RASSF3: variants seen among roughly 807,000 people sequenced by gnomAD.
RASSF3 encodes Ras association domain family member 3, also known as ras association domain-containing protein 3.
In RASSF3, 19 loss-of-function variants were observed where a neutral mutation model predicts 19.9. The ratio of observed to expected loss-of-function variants is 0.96; its 90% CI spans 0.67 to 1.40. The LOEUF is 1.40. Among genes scored for constraint, RASSF3 ranks in the 40% most tolerant of loss-of-function variants. The pLI is 0.00. For missense variants in RASSF3, 306 were observed against 289.8 expected (o/e 1.06, Z -0.41); for synonymous variants, 110 against 104.2 (o/e 1.06, Z -0.34).
At chr12:64,668,783 G>A (rs571497614) in intron 1 of RASSF3, among the ~76,000 whole-genome samples, 58 of 148,648 alleles carry the variant, frequency 3.9e-4, no homozygotes, top group African/African-American at 1.3e-3. Context: ...CCGGGTTCAC[G>A]CCATTCTCCT....
At chr12:64,560,575 T>A (rs1463340541) in intron 2 of RASSF3, among the ~76,000 whole-genome samples, 1 of 152,192 alleles carries the variant, frequency 6.6e-6, no homozygotes, top group Non-Finnish European at 1.5e-5. Flanking sequence ...CACCACCACA[T>A]TGTGCGAGGA....
intron 1 of RASSF3, among the ~76,000 whole-genome samples, chr12:64,629,574 TG>T (rs1871103178): frequency 1.3e-5 from 2 of 152,222 alleles, no homozygotes; most frequent in African/African-American, 4.8e-5. Context: ...ATATGTAATG[TG>T]ATAATATGAA....
exon 1 of RASSF3, chr12:64,507,221 G>A: frequency 2.5e-6 from 1 of 398,656 alleles, no homozygotes; most frequent in Non-Finnish European, 4.4e-6. Flanking sequence ...CATAAGAAGT[G>A]ACTTTCATGA....
chr12:64,679,963 G>A (rs1873059526), intron 1 of RASSF3, among the ~76,000 whole-genome samples: 1 of 152,138 alleles, frequency 6.6e-6, no homozygotes, highest in African/African-American at 2.4e-5. Flanking sequence ...CACAATGAAA[G>A]ACCAGGGTTG....
intron 1 of RASSF3, among the ~76,000 whole-genome samples, chr12:64,535,130 T>C (rs1868796441): frequency 6.6e-6 from 1 of 151,984 alleles, no homozygotes; most frequent in African/African-American, 2.4e-5. Flanking sequence ...ATTCAATAGA[T>C]GGCAGTCCAA....
chr12:64,560,803 G>A (rs536398363), intron 2 of RASSF3, among the ~76,000 whole-genome samples: 4 of 152,310 alleles, frequency 2.6e-5, no homozygotes, highest in East Asian at 1.9e-4. Context: ...GAGAGGAGCC[G>A]AAATAGGCAA....
At chr12:64,680,189 A>C (rs1312278105) in intron 1 of RASSF3, among the ~76,000 whole-genome samples, 1 of 152,048 alleles carries the variant, frequency 6.6e-6, no homozygotes, top group Admixed American at 6.6e-5. Flanking sequence ...CTACTCTGTG[A>C]GGGGACGGGA....
chr12:64,591,924 C>T (rs1258754002), intron 2 of RASSF3, among the ~76,000 whole-genome samples: 1 of 149,118 alleles, frequency 6.7e-6, no homozygotes, highest in African/African-American at 2.5e-5. Flanking sequence ...TTTTTTGAGA[C>T]AGGGTTTTAC....
intron 1 of RASSF3, among the ~76,000 whole-genome samples, chr12:64,622,312 G>C (rs754272635): frequency 2.0e-5 from 3 of 149,994 alleles, no homozygotes; most frequent in Non-Finnish European, 4.4e-5. Flanking sequence ...CGCCTGCCTT[G>C]GCCTCCCAAA....
intron 1 of RASSF3, among the ~76,000 whole-genome samples, chr12:64,511,352 T>C (rs1045354584): frequency 8.5e-5 from 13 of 152,080 alleles, no homozygotes; most frequent in African/African-American, 2.7e-4. Flanking sequence ...CGTGGTGGTG[T>C]GCACCTGTAA....
chr12:64,694,234 G>A (rs1376419398), intron 4 of RASSF3, among the ~76,000 whole-genome samples: 3 of 152,148 alleles, frequency 2.0e-5, no homozygotes, highest in Admixed American at 6.5e-5. Context: ...GGGAACAGAT[G>A]GGGGAGCATA....
At chr12:64,544,970 A>G (rs1178111319), downstream of RASSF3, among the ~76,000 whole-genome samples, 1 of 152,206 alleles carries the variant, frequency 6.6e-6, no homozygotes, top group Non-Finnish European at 1.5e-5. Context: ...ACTCAATTAC[A>G]CTTGGCAGGG....
intron 1 of RASSF3, among the ~76,000 whole-genome samples, chr12:64,508,526 A>AC (rs1288174906): frequency 1.3e-5 from 2 of 151,858 alleles, no homozygotes; most frequent in East Asian, 1.9e-4. Flanking sequence ...TCAAAAAAAA[A>AC]ACAAAAAACA....
intron 2 of RASSF3, among the ~76,000 whole-genome samples, chr12:64,577,731 CAAAACAAAATCA>C (rs1203120196): frequency 4.6e-5 from 7 of 152,100 alleles, no homozygotes; most frequent in African/African-American, 1.4e-4. Flanking sequence ...GACTCTGTCT[CAAAACAAAATCA>C]AAAACAAAAA....
intron 1 of RASSF3, among the ~76,000 whole-genome samples, chr12:64,514,971 A>G (rs913312686): frequency 1.3e-5 from 2 of 151,798 alleles, no homozygotes; most frequent in South Asian, 4.2e-4. Flanking sequence ...AATTCTTTCC[A>G]TGTTTTCCAA....
chr12:64,639,413 T>A (rs543606724), intron 1 of RASSF3, among the ~76,000 whole-genome samples: 1 of 152,216 alleles, frequency 6.6e-6, no homozygotes, highest in East Asian at 1.9e-4. Context: ...TTACAGTGAA[T>A]GTGGCTTATT....
Position 64,695,093 on chromosome 12 carries a change from G to A in RASSF3, c.*181G>A. ...TCCTGCACCTTAGCGTCCCATGTAA[G>A]GGACTCTGCAAGCTTGTTGTTCAGC... On this transcript the variant is annotated 3_prime_UTR_variant, in exon 5 of 5. Transcript: ENST00000542104. 1 of 611,936 alleles carries A rather than the reference G, an allele frequency of 1.6e-6. No homozygotes were observed. The highest frequency in any genetic ancestry group is 2.8e-6 in the Non-Finnish European group (1 of 358,986). The allele number at this position is 611,936 out of a possible 1,614,324, so 37.9% of individuals were successfully genotyped here. A position where few individuals can be genotyped will look rare whatever the true frequency, so the allele number is the denominator to read the frequency against.
At chr12:64,570,995 A>C (rs1296213346) in intron 2 of RASSF3, among the ~76,000 whole-genome samples, 1 of 152,102 alleles carries the variant, frequency 6.6e-6, no homozygotes, top group African/African-American at 2.4e-5. Flanking sequence ...AGATGGGTGG[A>C]CCACCTGAGG....
In RASSF3 at chr12:64,643,690, C is replaced by G. The variant is rs867006277; in HGVS notation, c.111+32947C>G. On this transcript the variant is annotated intron_variant, in intron 1 of 4. Transcript: ENST00000542104. ...GTGATAGGACAATCTCTTTTGGCTT[C>G]TGTGTTTTTTCTGTCCTACAACTCT... 2.8e-4 allele frequency among the ~76,000 whole-genome samples: 42 copies of G among 152,166 alleles called. 1 individual carries two copies. The highest frequency in any genetic ancestry group is 3.4e-3 in the Middle Eastern group (1 of 292).
Sources: gnomAD v4.1 joint callset for allele counts (sites outside exome capture counted in the v4.1 genomes callset) on GRCh38, gnomAD v4.1.1 for gene constraint, MANE v1.5 for transcripts, NCBI Gene and HGNC (gene_info 2026-07-23, HGNC 2026-07-21) for gene names.